PEX7: variants seen among roughly 807,000 people sequenced by gnomAD.
PEX7 encodes the protein PTS2 receptor.
A neutral mutation model predicts 47.5 loss-of-function variants in PEX7; 34 were observed. The observed-to-expected ratio is 0.72, with a 90% confidence interval of 0.54 to 0.95. The LOEUF is 0.95. Among genes scored for constraint, PEX7 ranks in the 40% least tolerant of loss-of-function variants. PEX7 has a pLI of 0.00. For synonymous variants in PEX7, 141 were observed against 148.8 expected, an observed-to-expected ratio of 0.95 and a Z score of 0.38; for missense variants, 394 against 400.3, an observed-to-expected ratio of 0.98 and a Z score of 0.13.
At position 136,910,203 on chromosome 6, in the gene PEX7, T is replaced by C. The variant is rs116089578; in HGVS notation, c.904-3255T>C. Among the ~76,000 whole-genome samples the C allele has an allele frequency of 1.0e-3, 152 of 152,318 alleles. 1 individual carries two copies. The highest frequency in any genetic ancestry group is 3.6e-3 in the African/African-American group (148 of 41,566). On this transcript the variant is annotated intron_variant, in intron 9 of 9. Transcript: ENST00000318471. ...AATTGTAATCTATGAAATTAATTTG[T>C]TGAGCCAATATTCATTGAGTTATGT... is the stretch of plus-strand genomic sequence containing the variant.
Position 136,866,584 on chromosome 6 carries a change from C to G in PEX7, c.527-43C>G, listed in dbSNP as rs781744172. 1.3e-5 allele frequency: 19 copies of G among 1,489,676 alleles called. No homozygotes were observed. The Admixed American group carries it at 3.0e-4, about 24-fold the overall frequency. The allele number at this position is 1,489,676 out of a possible 1,614,324, so 92.3% of individuals were successfully genotyped here. A position where few individuals can be genotyped will look rare whatever the true frequency, so the allele number is the denominator to read the frequency against. On this transcript the variant is annotated intron_variant, in intron 5 of 9. Coordinates refer to ENST00000318471, the MANE Select transcript of PEX7 (RefSeq NM_000288.4). ...TGAACACATTATGTCACTGCACATT[C>G]AAGTGGTGTGATGGGAAATGATCAA...
At chr6:136,905,659 A>C (rs1775834061) in intron 9 of PEX7, among the ~76,000 whole-genome samples, 1 of 152,104 alleles carries the variant, frequency 6.6e-6, no homozygotes, top group Non-Finnish European at 1.5e-5. Flanking sequence ...TATCTTCATC[A>C]CCATCCCTCC....
chr6:136,845,466 C>A, intron 3 of PEX7, 149 bp from the exon 4 acceptor site: 1 of 697,078 alleles, frequency 1.4e-6, no homozygotes, highest in South Asian at 1.5e-5. Flanking sequence ...TTTCATTTCT[C>A]AGACACCTTG....
At chr6:136,874,381 C>T (rs1775231194) in intron 8 of PEX7, among the ~76,000 whole-genome samples, 1 of 152,082 alleles carries the variant, frequency 6.6e-6, no homozygotes, top group South Asian at 2.1e-4. Flanking sequence ...GTAGAGGTGT[C>T]TGTAAAGTGG....
chr6:136,835,284 ATT>A (rs953487406), intron 3 of PEX7, among the ~76,000 whole-genome samples: 1 of 133,710 alleles, frequency 7.5e-6, no homozygotes, highest in Non-Finnish European at 1.6e-5. Flanking sequence ...GCTTACAAAA[ATT>A]TTTTTTTCTT....
intron 5 of PEX7, among the ~76,000 whole-genome samples, chr6:136,853,415 T>C (rs915550664): frequency 6.6e-6 from 1 of 152,208 alleles, no homozygotes; most frequent in Non-Finnish European, 1.5e-5. Flanking sequence ...TAGTGTCTCC[T>C]CTTTCAGTTA....
chr6:136,857,730 A>G (rs1774886894), intron 5 of PEX7, among the ~76,000 whole-genome samples: 1 of 152,220 alleles, frequency 6.6e-6, no homozygotes, highest in Admixed American at 6.5e-5. Flanking sequence ...TGATAATGGT[A>G]TCCACATCAT....
chr6:136,848,780 A>G (rs6918580), intron 5 of PEX7, among the ~76,000 whole-genome samples: 6,364 of 152,160 alleles, frequency 0.042, 149 homozygotes, highest in African/African-American at 0.073. Context: ...TTTTGCATTG[A>G]TGTTCATCAG....
intron 5 of PEX7, among the ~76,000 whole-genome samples, chr6:136,857,036 A>G (rs563101888): frequency 6.6e-6 from 1 of 152,244 alleles, no homozygotes; most frequent in Non-Finnish European, 1.5e-5. Flanking sequence ...TCTACTTAGT[A>G]CTTTTTAAAA....
chr6:136,865,805 C>T (rs961923471), intron 5 of PEX7, among the ~76,000 whole-genome samples: 1 of 151,780 alleles, frequency 6.6e-6, no homozygotes, highest in Non-Finnish European at 1.5e-5. Flanking sequence ...AATAAATAGG[C>T]CGGGCGCTGC....
intron 7 of PEX7, 24 bp from the exon 8 acceptor site, chr6:136,872,171 GTTT>G (rs373023744): frequency 2.9e-6 from 4 of 1,394,332 alleles, no homozygotes; most frequent in South Asian, 1.3e-5. Flanking sequence ...TTCAAAAAGG[GTTT>G]TTTTTTTCTT....
intron 6 of PEX7, among the ~76,000 whole-genome samples, chr6:136,869,541 G>A (rs964918973): frequency 6.6e-6 from 1 of 152,054 alleles, no homozygotes; most frequent in Non-Finnish European, 1.5e-5. Context: ...GAGAAAGCTG[G>A]GCTCATTTGT....
intron 5 of PEX7, among the ~76,000 whole-genome samples, chr6:136,852,316 C>G (rs1327574416): frequency 6.8e-6 from 1 of 147,562 alleles, no homozygotes; most frequent in Non-Finnish European, 1.5e-5. Context: ...CCAGGGCAAT[C>G]AGGCAGGAGA....
intron 3 of PEX7, among the ~76,000 whole-genome samples, chr6:136,842,722 C>G (rs1774523511): frequency 2.0e-5 from 3 of 152,218 alleles, no homozygotes; most frequent in Non-Finnish European, 4.4e-5. Flanking sequence ...ATGTTTTGCT[C>G]ATTAGGAGTC....
At chr6:136,846,002 G>A (rs1774591815) in intron 4 of PEX7, 71 bp from the exon 5 acceptor site, 2 of 826,726 alleles carry the variant, frequency 2.4e-6, no homozygotes, top group South Asian at 1.4e-5. Context: ...GTTTATTGGT[G>A]TATGTAGTAT....
intron 3 of PEX7, among the ~76,000 whole-genome samples, chr6:136,843,014 G>T (rs1465913374): frequency 6.6e-6 from 1 of 152,194 alleles, no homozygotes; most frequent in Non-Finnish European, 1.5e-5. Context: ...AGTAAAGGGT[G>T]AAACCAGCAG....
chr6:136,886,823 C>T (rs532943854), intron 8 of PEX7, among the ~76,000 whole-genome samples: 48 of 152,178 alleles, frequency 3.2e-4, no homozygotes, highest in Admixed American at 1.6e-3. Flanking sequence ...GAGGCCAAGG[C>T]GGGAAAATTT....
chr6:136,862,038 A>G (rs1322747480), intron 5 of PEX7, among the ~76,000 whole-genome samples: 1 of 131,026 alleles, frequency 7.6e-6, no homozygotes, highest in Non-Finnish European at 1.6e-5. Context: ...TATATTTTAT[A>G]TATATTATAT....
intron 7 of PEX7, among the ~76,000 whole-genome samples, chr6:136,870,250 C>G (rs1416876469): frequency 6.6e-6 from 1 of 152,078 alleles, no homozygotes; most frequent in African/African-American, 2.4e-5. Flanking sequence ...TTTTCTCATT[C>G]TTTCACCTCC....
Sources: gnomAD v4.1 joint callset for allele counts (sites outside exome capture counted in the v4.1 genomes callset) on GRCh38, gnomAD v4.1.1 for gene constraint, MANE v1.5 for transcripts, NCBI Gene and HGNC (gene_info 2026-07-23, HGNC 2026-07-21) for gene names.